Variants in SEMA3D observed in about 807,000 individuals in gnomAD.
SEMA3D encodes semaphorin-3D.
A neutral mutation model predicts 100.1 loss-of-function variants in SEMA3D; 84 were observed. That is an observed-to-expected ratio of 0.84 (90% CI 0.70 to 1.01). The LOEUF (loss-of-function observed/expected upper bound fraction) is 1.01, where lower values mean the gene tolerates loss of function less well. Among genes scored for constraint, SEMA3D ranks in the 50% least tolerant of loss-of-function variants. SEMA3D has a pLI of 0.00. For synonymous variants in SEMA3D, 312 were observed against 320.7 expected (o/e 0.97, Z 0.29); for missense variants, 875 against 934.1 (o/e 0.94, Z 0.82).
intron 2 of SEMA3D, chr7:85,142,758 A>C (rs543423954): frequency 3.9e-5 from 38 of 984,476 alleles, no homozygotes; most frequent in Non-Finnish European, 4.2e-5. Context: ...TACACTAGAA[A>C]GATTCCCAGA....
At chr7:85,114,058 C>T (rs891435440) in intron 3 of SEMA3D, among the ~76,000 whole-genome samples, 1 of 152,152 alleles carries the variant, frequency 6.6e-6, no homozygotes, top group Non-Finnish European at 1.5e-5. Flanking sequence ...TCAATACTAT[C>T]TAAGCAAAGG....
intron 2 of SEMA3D, among the ~76,000 whole-genome samples, chr7:85,132,986 A>G (rs1183246071): frequency 1.3e-5 from 2 of 151,982 alleles, no homozygotes; most frequent in Admixed American, 6.6e-5. Context: ...CCCAGTGCAT[A>G]CGCAATATGT....
At chr7:85,196,613 GA>G in the SEMA3D span, among the ~76,000 whole-genome samples, 1 of 151,992 alleles carries the variant, frequency 6.6e-6, no homozygotes, top group Non-Finnish European at 1.5e-5. Context: ...GAATCAATGA[GA>G]AAAAGGCAAC....
At chr7:85,178,475 TA>T (rs1331912891) in intron 1 of SEMA3D, among the ~76,000 whole-genome samples, 1 of 152,120 alleles carries the variant, frequency 6.6e-6, no homozygotes, top group Non-Finnish European at 1.5e-5. Flanking sequence ...GGGAACTGGA[TA>T]AAGGTGTCTC....
intron 3 of SEMA3D, among the ~76,000 whole-genome samples, chr7:85,110,057 C>T (rs2116361564): frequency 6.6e-6 from 1 of 152,100 alleles, no homozygotes; most frequent in South Asian, 2.1e-4. Flanking sequence ...CAAGGCTGAG[C>T]TCTCTTTTAC....
chr7:85,029,409 A>C, intron 12 of SEMA3D: 6 of 844,636 alleles, frequency 7.1e-6, no homozygotes, highest in Non-Finnish European at 1.0e-5. Context: ...ACATGAAAGC[A>C]ACTGCTGAAG....
Position 85,002,947 on chromosome 7 carries a change from T to C in SEMA3D, c.1909-3082A>G, listed in dbSNP as rs566580235. On this transcript the variant is annotated intron_variant, in intron 18 of 18. Transcript: ENST00000284136. ...GATAATTCACCTGTCAGTTCTTTCA[T>C]AGTAAAACCACTGCACGTGCCTTGG... 6.6e-5 allele frequency among the ~76,000 whole-genome samples: 10 copies of C among 152,220 alleles called. 1 individual carries two copies. The East Asian group carries it at 1.7e-3, about 27-fold the overall frequency.
intron 1 of SEMA3D, among the ~76,000 whole-genome samples, chr7:85,158,478 G>A (rs187111346): frequency 1.3e-5 from 2 of 152,216 alleles, no homozygotes; most frequent in East Asian, 1.9e-4. Context: ...TGGTCAGACC[G>A]ATTGTCTGCT....
intron 12 of SEMA3D, chr7:85,029,465 T>C: frequency 2.8e-6 from 2 of 725,932 alleles, no homozygotes; most frequent in South Asian, 1.4e-5. Flanking sequence ...AAACAGAAGA[T>C]TCTTAGCAAG....
At chr7:85,100,751 CT>C (rs1788719391) in intron 3 of SEMA3D, among the ~76,000 whole-genome samples, 2 of 151,902 alleles carry the variant, frequency 1.3e-5, no homozygotes, top group East Asian at 3.9e-4. Context: ...TTCCTTCCTT[CT>C]TTTTTTCTAC....
intron 4 of SEMA3D, among the ~76,000 whole-genome samples, chr7:85,095,681 A>G (rs1032479152): frequency 1.3e-5 from 2 of 152,054 alleles, no homozygotes; most frequent in Non-Finnish European, 2.9e-5. Flanking sequence ...GGAATGGTGG[A>G]TACCTATATA....
chr7:85,235,101 T>C, the SEMA3D span, among the ~76,000 whole-genome samples: 3 of 152,178 alleles, frequency 2.0e-5, no homozygotes, highest in Non-Finnish European at 4.4e-5. Context: ...CAGTAGCACC[T>C]CTGGGCATAG....
At chr7:85,060,240 GAGTT>G (rs1791434981) in intron 8 of SEMA3D, among the ~76,000 whole-genome samples, 1 of 152,168 alleles carries the variant, frequency 6.6e-6, no homozygotes. Context: ...ATGAGAAAAA[GAGTT>G]AGTGTCAAGT....
chr7:85,181,877 T>G (rs975060888), intron 1 of SEMA3D: 3 of 303,598 alleles, frequency 9.9e-6, no homozygotes, highest in African/African-American at 6.8e-5. Flanking sequence ...AATGATGGAT[T>G]GAAAATCATC....
intron 15 of SEMA3D, among the ~76,000 whole-genome samples, chr7:85,015,560 T>C (rs1790074755): frequency 6.6e-6 from 1 of 151,836 alleles, no homozygotes; most frequent in African/African-American, 2.4e-5. Flanking sequence ...ACAGATGCTA[T>C]AGGCAAAGCT....
In SEMA3D at chr7:85,097,874, C is replaced by G. The variant is rs1464811369; in HGVS notation, c.243G>C (p.Arg81Ser). 1 of 1,609,074 alleles carries G rather than the reference C, an allele frequency of 6.2e-7. No homozygotes were observed. The highest frequency in any genetic ancestry group is 8.5e-7 in the Non-Finnish European group (1 of 1,176,540). ...QTLLLDEERG[R>S]LLLGAKDHIF... ...TGTGGTCTTTGGCTCCCAAGAGCAGCCTGCCTCTTTCCTCATCTAAGAGAA... is the reference window on the plus strand; with the variant it reads ...TGTGGTCTTTGGCTCCCAAGAGCAGGCTGCCTCTTTCCTCATCTAAGAGAA... The change falls in exon 4 of 19, where the codon AGG becomes AGC. Residue 81 changes from arginine to serine, a missense_variant. Transcript: ENST00000284136.
rs78322305 is a variant in SEMA3D at position 85,092,407 on chromosome 7, A to G, written c.312+5398T>C. 3.4e-3 allele frequency among the ~76,000 whole-genome samples: 515 copies of G among 152,094 alleles called. 3 individuals carry two copies. The highest frequency in any genetic ancestry group is 5.5e-3 in the Non-Finnish European group (374 of 67,936). On this transcript the variant is annotated intron_variant, in intron 4 of 18. Coordinates refer to ENST00000284136, the MANE Select transcript of SEMA3D (RefSeq NM_001384900.1). ...TTTTGTTGAACTAAATGAAAAAGAAATGCTGGCTCAAGTAGAAGGGCAAAA... is the reference window on the plus strand; with the variant it reads ...TTTTGTTGAACTAAATGAAAAAGAAGTGCTGGCTCAAGTAGAAGGGCAAAA...
intron 3 of SEMA3D, 35 bp from the exon 4 acceptor site, chr7:85,098,000 GA>G (rs777026887): frequency 1.3e-5 from 15 of 1,129,584 alleles, no homozygotes; most frequent in Non-Finnish European, 1.8e-5. Context: ...AAAGGAGAAA[GA>G]AAAAAGAAAG....
chr7:85,053,139 A>C (rs2116062669), intron 9 of SEMA3D, among the ~76,000 whole-genome samples: 1 of 152,070 alleles, frequency 6.6e-6, no homozygotes, highest in African/African-American at 2.4e-5. Flanking sequence ...GAACAACAAA[A>C]CCTGAGTATT....
Sources: allele counts gnomAD v4.1 joint callset (sites outside exome capture counted in the v4.1 genomes callset), GRCh38; gene constraint gnomAD v4.1.1; transcripts MANE v1.5; gene names NCBI Gene and HGNC (gene_info 2026-07-23, HGNC 2026-07-21).